The following ANKRD18B variants were observed in gnomAD, a reference collection of about 807,000 sequenced individuals.
ANKRD18B encodes the protein ankyrin repeat domain-containing protein 18B.
ANKRD18B carries 75 observed loss-of-function variants against 111.8 expected under a neutral mutation model. That is an observed-to-expected ratio of 0.67 (90% CI 0.56 to 0.81). The LOEUF is 0.81. Ranked by LOEUF, ANKRD18B falls within the 40% of genes least tolerant of loss-of-function variation. The pLI, the probability that ANKRD18B is intolerant of heterozygous loss-of-function variation, is 0.00. For missense variants in ANKRD18B, 1,038 were observed against 1,225.5 expected (o/e 0.85, Z 2.28); for synonymous variants, 356 against 417.3 (o/e 0.85, Z 1.79).
intron 1 of ANKRD18B, among the ~76,000 whole-genome samples, chr9:33,528,326 GA>G (rs1204206510): frequency 6.6e-6 from 1 of 152,188 alleles, no homozygotes; most frequent in African/African-American, 2.4e-5. Context: ...AACAGTTATT[GA>G]GTTGTTGCTT....
At position 33,550,670 on chromosome 9, in the gene ANKRD18B, A is replaced by C; in HGVS notation, c.2217+91A>C. 2.5e-6 allele frequency: 3 copies of C among 1,221,604 alleles called. No individual in the cohort carries two copies. The South Asian group carries it at 8.8e-5, about 36-fold the overall frequency. 75.7% of individuals were successfully genotyped at this position (1,221,604 alleles called of 1,614,324 possible). On this transcript the variant is annotated intron_variant, in intron 12 of 18. Coordinates refer to ENST00000684830, the MANE Select transcript of ANKRD18B (RefSeq NM_001393611.1). ...TCTTAGGATACTAATTTCAGTGGAC[A>C]GCTTGATTTTGTATTTTCATTATAA...
chr9:33,554,957 G>C (rs1246363585), intron 12 of ANKRD18B, among the ~76,000 whole-genome samples: 1 of 148,124 alleles, frequency 6.8e-6, no homozygotes, highest in African/African-American at 2.5e-5. Flanking sequence ...CCAGATGTCT[G>C]TTACCTAGGT....
At chr9:33,546,083 A>G (rs1474614159) in intron 10 of ANKRD18B, among the ~76,000 whole-genome samples, 1 of 152,350 alleles carries the variant, frequency 6.6e-6, no homozygotes, top group South Asian at 2.1e-4. Flanking sequence ...GGAAATTGCT[A>G]AAGAAATACT....
intron 1 of ANKRD18B, among the ~76,000 whole-genome samples, chr9:33,526,989 A>G (rs1828033534): frequency 6.6e-6 from 1 of 152,208 alleles, no homozygotes; most frequent in Non-Finnish European, 1.5e-5. Context: ...ATTTTGCACT[A>G]TCTCTCAGGA....
intron 15 of ANKRD18B, 32 bp from the exon 16 acceptor site, chr9:33,567,071 T>G: frequency 1.3e-6 from 2 of 1,496,690 alleles, no homozygotes; most frequent in Non-Finnish European, 1.8e-6. Context: ...CTTATAATTG[T>G]TTTAAAAGTG....
At chr9:33,571,081 TTTTAC>T (rs748534881) in intron 17 of ANKRD18B, among the ~76,000 whole-genome samples, 160 bp from the exon 18 acceptor site, 2 of 152,190 alleles carry the variant, frequency 1.3e-5, no homozygotes, top group Non-Finnish European at 2.9e-5. Flanking sequence ...TAAGTAGAAA[TTTTAC>T]TTTACTTATG....
chr9:33,555,773 G>C lies in ANKRD18B; in HGVS notation c.2283G>C (p.Ala761=). 2 of 1,405,130 alleles carry C rather than the reference G, an allele frequency of 1.4e-6. No homozygotes were observed. Among genetic ancestry groups the C allele is most frequent in the Non-Finnish European group, 1.9e-6 (2 of 1,077,736 alleles). The allele number at this position is 1,405,130 out of a possible 1,614,324, so 87.0% of individuals were successfully genotyped here. A position where few individuals can be genotyped will look rare whatever the true frequency, so the allele number is the denominator to read the frequency against. Residue 761 remains alanine, a synonymous_variant, in exon 13 of 19, where the codon GCG becomes GCC. Transcript: ENST00000684830. ...FELISLLNYT[A]DQIRKKNREL... ...TAATATCATTACTGAACTATACTGCGGATCAAATAAGAAAGAAAAATCGTG... is the reference window on the plus strand; with the variant it reads ...TAATATCATTACTGAACTATACTGCCGATCAAATAAGAAAGAAAAATCGTG...
chr9:33,548,038 A>C lies in ANKRD18B; in HGVS notation c.1250A>C (p.Asn417Thr). 1.3e-6 allele frequency: 2 copies of C among 1,530,906 alleles called. No individual in the cohort carries two copies. The highest frequency in any genetic ancestry group is 1.8e-6 in the Non-Finnish European group (2 of 1,140,908). The allele number at this position is 1,530,906 out of a possible 1,614,324, so 94.8% of individuals were successfully genotyped here. ...MLKEELYAIK[N>T]DSLRKEKKYI... Reference sequence around the variant, plus strand: ...AAAGAGGAATTATATGCAATAAAAAATGACAGTCTCAGAAAGGAAAAGAAA... The same window carrying C: ...AAAGAGGAATTATATGCAATAAAAACTGACAGTCTCAGAAAGGAAAAGAAA... The change falls in exon 11 of 19, where the codon AAT becomes ACT. Residue 417 changes from asparagine to threonine, a missense_variant. Coordinates refer to ENST00000684830, the MANE Select transcript of ANKRD18B (RefSeq NM_001393611.1).
At chr9:33,568,426 T>C (rs1312570412) in intron 16 of ANKRD18B, among the ~76,000 whole-genome samples, 3 of 152,240 alleles carry the variant, frequency 2.0e-5, no homozygotes, top group African/African-American at 7.2e-5. Context: ...TAGCCATTTC[T>C]CTTCCCTGTC....
rs563015569 is a variant in ANKRD18B at position 33,528,057 on chromosome 9, G to A, written c.207-670G>A. On this transcript the variant is annotated intron_variant, in intron 1 of 18. Transcript: ENST00000684830. ...CTCACACCTGTCATTCTAGAACTTT[G>A]GAAGGCTGAGGTGGGAAGTTCCCAT... is the stretch of plus-strand genomic sequence containing the variant. Among the ~76,000 whole-genome samples, 4 of 152,312 alleles carry A rather than the reference G, an allele frequency of 2.6e-5. No homozygotes were observed. In the East Asian group the frequency reaches 7.7e-4, roughly 29 times the overall value.
chr9:33,527,292 T>C (rs1264232019), intron 1 of ANKRD18B, among the ~76,000 whole-genome samples: 2 of 142,414 alleles, frequency 1.4e-5, no homozygotes, highest in Non-Finnish European at 1.6e-5. Flanking sequence ...GAGTTTCCTT[T>C]AGCTTCATGT....
intron 14 of ANKRD18B, among the ~76,000 whole-genome samples, chr9:33,562,066 G>A (rs948466855): frequency 2.0e-5 from 3 of 151,952 alleles, no homozygotes; most frequent in Non-Finnish European, 4.4e-5. Flanking sequence ...ATGATGGCAA[G>A]TCAGGCTTAC....
intron 11 of ANKRD18B, among the ~76,000 whole-genome samples, chr9:33,549,408 GTAGTCT>G (rs1344793442): frequency 6.6e-6 from 1 of 152,146 alleles, no homozygotes; most frequent in Non-Finnish European, 1.5e-5. Context: ...GATAAGGTGT[GTAGTCT>G]TAGACTACTG....
intron 3 of ANKRD18B, among the ~76,000 whole-genome samples, chr9:33,530,547 A>AG (rs1491190522): frequency 4.4e-4 from 66 of 151,088 alleles, no homozygotes; most frequent in South Asian, 2.1e-4. Context: ...AAAAAAAAAA[A>AG]ACCTCAGTGT....
Position 33,533,424 on chromosome 9 carries a change from T to A in ANKRD18B, c.496-15T>A. On this transcript the variant is annotated splice_polypyrimidine_tract_variant and intron_variant, in intron 3 of 18. Coordinates refer to ENST00000684830, the MANE Select transcript of ANKRD18B (RefSeq NM_001393611.1). ...GTAATTTTGTGAATTATAAATTGTTTTTGCTTTCTTACAGGAGGGAAACAC... is the reference window on the plus strand; with the variant it reads ...GTAATTTTGTGAATTATAAATTGTTATTGCTTTCTTACAGGAGGGAAACAC... 6.6e-7 allele frequency: 1 copy of A among 1,511,592 alleles called. No individual in the cohort carries two copies. Among genetic ancestry groups the A allele is most frequent in the East Asian group, 2.5e-5 (1 of 40,600 alleles). 93.6% of individuals were successfully genotyped at this position (1,511,592 alleles called of 1,614,324 possible). A position where few individuals can be genotyped will look rare whatever the true frequency, so the allele number is the denominator to read the frequency against.
intron 14 of ANKRD18B, among the ~76,000 whole-genome samples, chr9:33,560,404 T>A (rs2118106598): frequency 6.6e-6 from 1 of 152,350 alleles, no homozygotes; most frequent in African/African-American, 2.4e-5. Context: ...GCTGCTGGCA[T>A]GTCCAGGCAA....
At chr9:33,542,867 T>G (rs998938740) in intron 9 of ANKRD18B, among the ~76,000 whole-genome samples, 4 of 152,202 alleles carry the variant, frequency 2.6e-5, no homozygotes, top group South Asian at 2.1e-4. Flanking sequence ...AGTGTTACTT[T>G]ATGTGTTTTT....
intron 18 of ANKRD18B, 142 bp from the exon 19 acceptor site, chr9:33,572,174 A>G: frequency 1.5e-6 from 1 of 657,740 alleles, no homozygotes. Context: ...ATGATTTAAT[A>G]GTAATCTTGT....
chr9:33,570,575 C>T (rs1210203256), intron 17 of ANKRD18B, among the ~76,000 whole-genome samples: 2 of 151,204 alleles, frequency 1.3e-5, no homozygotes, highest in Non-Finnish European at 2.9e-5. Flanking sequence ...AAAGGACAGA[C>T]TTTTGCTAAG....
Sources: gnomAD v4.1 joint callset for allele counts (sites outside exome capture counted in the v4.1 genomes callset) on GRCh38, gnomAD v4.1.1 for gene constraint, MANE v1.5 for transcripts, NCBI Gene and HGNC (gene_info 2026-07-23, HGNC 2026-07-21) for gene names.